Variants in PPFIBP2 observed in about 807,000 individuals in gnomAD.
PPFIBP2 encodes the protein PPFIB scaffold protein 2, also known as liprin-beta-2.
PPFIBP2 carries 118 observed loss-of-function variants against 118.3 expected under a neutral mutation model. The ratio of observed to expected loss-of-function variants is 1.00; its 90% confidence interval spans 0.86 to 1.16. The LOEUF (loss-of-function observed/expected upper bound fraction) is 1.16. Among genes scored for constraint, PPFIBP2 ranks in the 50% most tolerant of loss-of-function variants. PPFIBP2 has a pLI of 0.00. For synonymous variants in PPFIBP2, 414 were observed against 397.4 expected, an observed-to-expected ratio of 1.04 and a Z score of -0.50; for missense variants, 1,195 against 1,073.1, an observed-to-expected ratio of 1.11 and a Z score of -1.59.
chr11:7,648,240 G>A, intron 17 of PPFIBP2, 147 bp from the exon 18 acceptor site: 1 of 851,892 alleles, frequency 1.2e-6, no homozygotes. Flanking sequence ...ATTTTGTTCA[G>A]CAGAATCCCA....
chr11:7,515,609 A>G (rs920558160), intron 1 of PPFIBP2, among the ~76,000 whole-genome samples: 1 of 152,232 alleles, frequency 6.6e-6, no homozygotes. Flanking sequence ...CTGTGTGGGC[A>G]GGCAGGCATG....
chr11:7,651,793 G>A lies in PPFIBP2; in HGVS notation c.2385G>A (p.Glu795=), dbSNP rs1381626338. ...CGGAGGCTGAACAGGAGAAGCGAGA[G>A]AAAATGGCCTCACCAGCTTACACAC... The part of the protein sequence containing the change: ...IGPEAEQEKR[E]KMASPAYTPL... Residue 795 remains glutamate, a synonymous_variant, in exon 23 of 24, where the codon GAG becomes GAA. Coordinates refer to ENST00000299492, the MANE Select transcript of PPFIBP2 (RefSeq NM_003621.5). The A allele has an allele frequency of 6.2e-7, 1 of 1,613,868 alleles. No homozygotes were observed. The highest frequency in any genetic ancestry group is 8.5e-7 in the Non-Finnish European group (1 of 1,179,776).
At chr11:7,521,404 G>T (rs1849749322) in intron 1 of PPFIBP2, among the ~76,000 whole-genome samples, 1 of 152,164 alleles carries the variant, frequency 6.6e-6, no homozygotes, top group Non-Finnish European at 1.5e-5. Flanking sequence ...CCTCTCCACT[G>T]TTCCCCAAAC....
In PPFIBP2 at chr11:7,634,548, A is replaced by G. The variant is rs138692502; in HGVS notation, c.1190A>G (p.Asp397Gly). The stretch of plus-strand genomic sequence containing the variant: ...GAAGACTTGAGAAGTGAATCTGTGG[A>G]TAAGGTCGGCTCATCAACCTATCCT... Reference protein sequence around the residue: ...SLEDLRSESVDKCMDGNQPFP... With the variant: ...SLEDLRSESVGKCMDGNQPFP... The change falls in exon 13 of 24, where the codon GAT becomes GGT. Residue 397 changes from aspartate to glycine, a missense_variant. Coordinates refer to ENST00000299492, the MANE Select transcript of PPFIBP2 (RefSeq NM_003621.5). 1 of 1,612,966 alleles carries G rather than the reference A, an allele frequency of 6.2e-7. No homozygotes were observed. Among genetic ancestry groups the G allele is most frequent in the African/African-American group, 1.3e-5 (1 of 74,858 alleles).
chr11:7,580,097 C>T (rs1215245356), intron 3 of PPFIBP2, among the ~76,000 whole-genome samples: 2 of 152,146 alleles, frequency 1.3e-5, no homozygotes, highest in African/African-American at 4.8e-5. Flanking sequence ...CTCAACTTAC[C>T]TTTTTAGTTT....
At chr11:7,514,777 A>G (rs1442489796) in intron 1 of PPFIBP2, among the ~76,000 whole-genome samples, 1 of 152,362 alleles carries the variant, frequency 6.6e-6, no homozygotes, top group African/African-American at 2.4e-5. Context: ...TTATGTAACA[A>G]GAGAACAGAA....
downstream of PPFIBP2, chr11:7,655,284 T>C: frequency 1.3e-5 from 6 of 450,596 alleles, no homozygotes; most frequent in South Asian, 1.1e-4. Flanking sequence ...CACCTGTCAC[T>C]CCTCAGGGCC....
chr11:7,621,540 C>A (rs546258286), intron 7 of PPFIBP2, among the ~76,000 whole-genome samples: 28 of 152,206 alleles, frequency 1.8e-4, no homozygotes, highest in Non-Finnish European at 3.7e-4. Context: ...TTAAAGGACA[C>A]CAATAATAAA....
At chr11:7,537,804 G>C (rs1248612793) in intron 1 of PPFIBP2, among the ~76,000 whole-genome samples, 3 of 152,046 alleles carry the variant, frequency 2.0e-5, no homozygotes, top group African/African-American at 7.2e-5. Context: ...TCCCTGCCTC[G>C]CTTCCCTGCC....
intron 1 of PPFIBP2, among the ~76,000 whole-genome samples, chr11:7,529,763 C>T (rs919457497): frequency 5.9e-5 from 9 of 152,240 alleles, no homozygotes; most frequent in Non-Finnish European, 1.2e-4. Flanking sequence ...CCTCATAACT[C>T]GGCCTGTTCA....
rs368519639 is a variant in PPFIBP2, at chr11:7,639,722, C to T, written c.1237-10C>T. On this transcript the variant is annotated splice_polypyrimidine_tract_variant and intron_variant, in intron 14 of 23. Transcript: ENST00000299492. ...GTCGGTATCTCTCTCTTTCTCTCAC[C>T]TTCCAATAGGACAGCCCTTTCTTGG... 2 of 1,613,846 alleles carry T rather than the reference C, an allele frequency of 1.2e-6. No individual in the cohort carries two copies. Among genetic ancestry groups the T allele is most frequent in the Non-Finnish European group, 1.7e-6 (2 of 1,179,946 alleles).
At chr11:7,578,712 G>GA (rs1328463067) in intron 3 of PPFIBP2, among the ~76,000 whole-genome samples, 15 of 152,336 alleles carry the variant, frequency 9.8e-5, no homozygotes, top group Admixed American at 9.8e-4. Context: ...TTTTGATGGA[G>GA]AAGGGGGTTG....
At chr11:7,528,482 A>G (rs1420780903) in intron 1 of PPFIBP2, among the ~76,000 whole-genome samples, 1 of 152,224 alleles carries the variant, frequency 6.6e-6, no homozygotes, top group Non-Finnish European at 1.5e-5. Context: ...TAATTTATAC[A>G]AAAAGCTTCT....
At chr11:7,627,659 A>G (rs1001634628) in intron 8 of PPFIBP2, among the ~76,000 whole-genome samples, 2 of 152,210 alleles carry the variant, frequency 1.3e-5, no homozygotes, top group South Asian at 4.1e-4. Context: ...CCACAGACCA[A>G]CAGAGATTTC....
the PPFIBP2 span, chr11:7,665,434 C>T: frequency 7.4e-6 from 12 of 1,612,746 alleles, no homozygotes; most frequent in African/African-American, 2.7e-5. Context: ...GGTGAGCCGC[C>T]GTCTGGATTA....
At chr11:7,560,985 T>C (rs1451920640) in intron 2 of PPFIBP2, among the ~76,000 whole-genome samples, 1 of 152,244 alleles carries the variant, frequency 6.6e-6, no homozygotes, top group East Asian at 1.9e-4. Flanking sequence ...GAGAAGTGGC[T>C]TGGGGACTTT....
chr11:7,585,118 C>G lies in PPFIBP2; in HGVS notation c.280-8014C>G, dbSNP rs143209064. On this transcript the variant is annotated intron_variant, in intron 3 of 23. Transcript: ENST00000299492. ...GAGCCATCATATAATTTAACATGCT[C>G]TGACCAGTTGGGACAGTGTATGTAC... Among the ~76,000 whole-genome samples the G allele has an allele frequency of 9.8e-5, 15 of 152,312 alleles. No individual in the cohort carries two copies. In the East Asian group the frequency reaches 2.7e-3, roughly 27 times the overall value.
intron 1 of PPFIBP2, among the ~76,000 whole-genome samples, chr11:7,516,202 GCAAA>G (rs1849214874): frequency 6.6e-6 from 1 of 152,220 alleles, no homozygotes; most frequent in South Asian, 2.1e-4. Flanking sequence ...GTGGTGGGAA[GCAAA>G]CTCCAAGGGA....
chr11:7,565,763 G>T lies in PPFIBP2; in HGVS notation c.275G>T (p.Ser92Ile). 6.2e-7 allele frequency: 1 copy of T among 1,614,002 alleles called. No homozygotes were observed. Among genetic ancestry groups the T allele is most frequent in the Non-Finnish European group, 8.5e-7 (1 of 1,179,884 alleles). The stretch of plus-strand genomic sequence containing the variant: ...TACATAAAGGAATGGTTTGAAGAGA[G>T]CTTGGTGAGTAGTCCCGTGGCCTGA... Reference protein sequence around the residue: ...AAYIKEWFEESLSQVNHHSAA... With the variant: ...AAYIKEWFEEILSQVNHHSAA... The change falls in exon 3 of 24, where the codon AGC (serine) becomes ATC (isoleucine). Residue 92 changes from serine (S) to isoleucine (I), a missense_variant. Ser to Ile is a moderately radical substitution (Grantham distance 142). Coordinates refer to ENST00000299492, the MANE Select transcript of PPFIBP2 (RefSeq NM_003621.5).
Sources: allele counts gnomAD v4.1 joint callset (sites outside exome capture counted in the v4.1 genomes callset), GRCh38; gene constraint gnomAD v4.1.1; transcripts MANE v1.5; gene names NCBI Gene and HGNC (gene_info 2026-07-23, HGNC 2026-07-21).